Variants in ELN observed in about 807,000 individuals in gnomAD.
ELN encodes the protein elastin, also known as tropoelastin.
In ELN, 65 loss-of-function variants were observed where a neutral mutation model predicts 105.8. The ratio of observed to expected loss-of-function variants is 0.61; its 90% CI spans 0.50 to 0.75. The LOEUF (loss-of-function observed/expected upper bound fraction) is 0.75. Ranked by LOEUF, ELN falls within the 30% of genes least tolerant of loss-of-function variation. ELN has a pLI of 0.00. For synonymous variants in ELN, 368 were observed against 389.2 expected, an observed-to-expected ratio of 0.95 and a Z score of 0.64; for missense variants, 882 against 969.4, an observed-to-expected ratio of 0.91 and a Z score of 1.20.
intron 31 of ELN, among the ~76,000 whole-genome samples, 200 bp from the exon 32 acceptor site, chr7:74,066,532 A>C (rs1398658833): frequency 6.6e-6 from 1 of 152,102 alleles, no homozygotes; most frequent in Non-Finnish European, 1.5e-5. Context: ...GCACCACTGC[A>C]CTCCAGCCTG....
At chr7:74,068,622 C>T (rs782392098) in intron 32 of ELN, 35 bp from the exon 33 acceptor site, 40 of 1,613,596 alleles carry the variant, frequency 2.5e-5, no homozygotes, top group Admixed American at 6.7e-5. Context: ...TGAGAGGGGC[C>T]GGACTCACAG....
intron 1 of ELN, among the ~76,000 whole-genome samples, chr7:74,032,233 C>A (rs1788864453): frequency 6.6e-6 from 1 of 152,172 alleles, no homozygotes; most frequent in Admixed American, 6.5e-5. Context: ...CCACATAAAA[C>A]AAGACAAGTG....
rs782808104 is a variant in ELN, at chr7:74,035,421, T to G, written c.133+7T>G. 5.0e-6 allele frequency: 8 copies of G among 1,614,040 alleles called. No individual in the cohort carries two copies. Among genetic ancestry groups the G allele is most frequent in the Admixed American group, 3.3e-5 (2 of 59,996 alleles). ...GGAGGAGTCTTTTATCCAGGTAACGTACATGAAACTTCCACACACCCAGGT... is the reference window on the plus strand; with the variant it reads ...GGAGGAGTCTTTTATCCAGGTAACGGACATGAAACTTCCACACACCCAGGT... On this transcript the variant is annotated splice_region_variant and intron_variant, in intron 2 of 32. Transcript: ENST00000252034.
chr7:74,062,956 G>A (rs1554685841), intron 26 of ELN, among the ~76,000 whole-genome samples, 197 bp from the exon 27 acceptor site: 2 of 152,082 alleles, frequency 1.3e-5, no homozygotes, highest in African/African-American at 4.8e-5. Flanking sequence ...AACTATGATT[G>A]TACCACTGCA....
In ELN at chr7:74,028,192, C is replaced by T. The variant is rs782766792; in HGVS notation, c.5C>T (p.Ala2Val). Residue 2 changes from alanine to valine, a missense_variant, in exon 1 of 33, where the codon GCG (alanine) becomes GTG (valine). Physicochemically the swap from Ala to Val is moderately conservative, Grantham distance 64. Coordinates refer to ENST00000252034, the MANE Select transcript of ELN (RefSeq NM_000501.4). Reference sequence around the variant, plus strand: ...GCTGGGGCATTTCTCCCCGAGATGGCGGGTCTGACGGCGGCGGCCCCGCGG... The same window carrying T: ...GCTGGGGCATTTCTCCCCGAGATGGTGGGTCTGACGGCGGCGGCCCCGCGG... M[A>V]GLTAAAPRPG... 9 of 1,610,758 alleles carry T rather than the reference C, an allele frequency of 5.6e-6. No individual in the cohort carries two copies. Among genetic ancestry groups the T allele is most frequent in the African/African-American group, 4.0e-5 (3 of 74,812 alleles).
intron 17 of ELN, 125 bp from the exon 18 acceptor site, chr7:74,053,038 G>A: frequency 7.1e-7 from 1 of 1,399,518 alleles, no homozygotes; most frequent in Non-Finnish European, 9.9e-7. Flanking sequence ...TCCATGCAGA[G>A]GAAATGTCAA....
chr7:74,047,991 C>A, intron 13 of ELN, 151 bp from the exon 14 acceptor site: 1 of 974,414 alleles, frequency 1.0e-6, no homozygotes, highest in Non-Finnish European at 1.6e-6. Context: ...CATAACAACT[C>A]CATACATGTG....
chr7:74,063,052 G>A lies in ELN; in HGVS notation c.1787-101G>A. 1 of 1,430,728 alleles carries A rather than the reference G, an allele frequency of 7.0e-7. No homozygotes were observed. The highest frequency in any genetic ancestry group is 9.6e-7 in the Non-Finnish European group (1 of 1,046,704). 88.6% of individuals were successfully genotyped at this position (1,430,728 alleles called of 1,614,324 possible). A position where few individuals can be genotyped will look rare whatever the true frequency, so the allele number is the denominator to read the frequency against. ...TTCCTGTCCACTGCTCCTCCACAGTGTCACATGGCCCCTGCCACCTGTCTG... is the reference window on the plus strand; with the variant it reads ...TTCCTGTCCACTGCTCCTCCACAGTATCACATGGCCCCTGCCACCTGTCTG... On this transcript the variant is annotated intron_variant, in intron 26 of 32. Transcript: ENST00000252034. The surrounding 1 kb of genome is among the most constrained non-coding windows in gnomAD (Gnocchi z 4.1).
chr7:74,060,047 G>A lies in ELN; in HGVS notation c.1576G>A (p.Ala526Thr). Reference protein sequence around the residue: ...APGIGPGGVAAAAKSAAKVAA... With the variant: ...APGIGPGGVATAAKSAAKVAA... ...CGGCATTGGCCCTGGTGGAGTTGCA[G>A]GTGAGTTTCATGAGTCAATGAGCCT... The change falls in exon 23 of 33, where the codon GCT becomes ACT. Residue 526 changes from alanine to threonine, a missense_variant and splice_region_variant. Physicochemically the swap from Ala to Thr is moderately conservative, Grantham distance 58 (BLOSUM62 0). Coordinates refer to ENST00000252034, the MANE Select transcript of ELN (RefSeq NM_000501.4). 5 of 1,614,104 alleles carry A rather than the reference G, an allele frequency of 3.1e-6. No homozygotes were observed. Among genetic ancestry groups the A allele is most frequent in the Non-Finnish European group, 4.2e-6 (5 of 1,180,004 alleles).
intron 4 of ELN, 94 bp from the exon 5 acceptor site, chr7:74,041,122 G>A: frequency 6.5e-7 from 1 of 1,543,268 alleles, no homozygotes; most frequent in South Asian, 1.1e-5. Context: ...GGACCTGAGT[G>A]GCTGATCACA....
At chr7:74,035,707 C>A in intron 2 of ELN, 1 of 306,596 alleles carries the variant, frequency 3.3e-6, no homozygotes, top group Non-Finnish European at 6.4e-6. Context: ...CCCCTCTCTA[C>A]ACACACACAC....
intron 10 of ELN, 140 bp from the exon 11 acceptor site, chr7:74,046,048 C>T (rs1434152651): frequency 8.3e-7 from 1 of 1,207,372 alleles, no homozygotes; most frequent in African/African-American, 1.5e-5. Flanking sequence ...AAAAAAGAAA[C>T]CCCAGAGTTC....
At chr7:74,055,792 AT>A (rs1245408441) in intron 19 of ELN, among the ~76,000 whole-genome samples, 27 of 116,522 alleles carry the variant, frequency 2.3e-4, no homozygotes, top group Admixed American at 5.5e-4. Context: ...AAAAAAAGAA[AT>A]TTTTTTTTTT....
Position 74,045,307 on chromosome 7 carries a change from T to C in ELN, c.541+14T>C, listed in dbSNP as rs781971133. On this transcript the variant is annotated intron_variant, in intron 10 of 32. Coordinates refer to ENST00000252034, the MANE Select transcript of ELN (RefSeq NM_000501.4). ...CCAAGGCTCCAGGTATGCAGCTGTC[T>C]GGACAGAGGGCTGATGGCAGGGACT... 4.3e-6 allele frequency: 7 copies of C among 1,613,842 alleles called. No individual in the cohort carries two copies. The East Asian group carries it at 1.6e-4, about 36-fold the overall frequency.
chr7:74,030,379 G>A (rs999757687), intron 1 of ELN, among the ~76,000 whole-genome samples: 2 of 152,068 alleles, frequency 1.3e-5, no homozygotes, highest in South Asian at 2.1e-4. Flanking sequence ...GGGACAAGCC[G>A]CACAGCTCCC....
At chr7:74,045,082 C>A in intron 9 of ELN, 140 bp from the exon 10 acceptor site, 2 of 895,008 alleles carry the variant, frequency 2.2e-6, no homozygotes, top group Non-Finnish European at 3.6e-6. Flanking sequence ...CAGGTCCTTT[C>A]TCCACCCACC....
intron 1 of ELN, among the ~76,000 whole-genome samples, chr7:74,032,847 G>A (rs1563752688): frequency 6.6e-6 from 1 of 152,172 alleles, no homozygotes; most frequent in African/African-American, 2.4e-5. Context: ...GGTTAGAGCT[G>A]GATTCACAGA....
At chr7:74,043,771 C>A in intron 8 of ELN, 108 bp from the exon 9 acceptor site, 1 of 1,451,266 alleles carries the variant, frequency 6.9e-7, no homozygotes, top group Non-Finnish European at 9.5e-7. Context: ...CTGTCGGGCA[C>A]AGAGGCTGTG....
At position 74,050,546 on chromosome 7, in the gene ELN, C is replaced by T. The variant is rs561630674; in HGVS notation, c.800-1204C>T. ...CCATCCATCCATTTCTCCATGCATG[C>T]ATCCATCCATCCATCCATTCCTCCA... On this transcript the variant is annotated intron_variant, in intron 15 of 32. Coordinates refer to ENST00000252034, the MANE Select transcript of ELN (RefSeq NM_000501.4). Among the ~76,000 whole-genome samples the T allele has an allele frequency of 2.0e-5, 3 of 152,246 alleles. No individual in the cohort carries two copies. In the East Asian group the frequency reaches 5.8e-4, roughly 29 times the overall value.
Sources: allele counts gnomAD v4.1 joint callset (sites outside exome capture counted in the v4.1 genomes callset), GRCh38; gene constraint gnomAD v4.1.1; non-coding constraint Gnocchi (gnomAD v3.1); transcripts MANE v1.5; gene names NCBI Gene and HGNC (gene_info 2026-07-23, HGNC 2026-07-21).